Variants in TBC1D22A observed in about 807,000 individuals in gnomAD.
TBC1D22A encodes the protein TBC1 domain family member 22A.
In TBC1D22A, 38 loss-of-function variants were observed where a neutral mutation model predicts 60.2. That is an observed-to-expected ratio of 0.63 (90% confidence interval 0.49 to 0.83). The LOEUF (loss-of-function observed/expected upper bound fraction) is 0.83. Ranked by LOEUF, TBC1D22A falls within the 40% of genes least tolerant of loss-of-function variation. The pLI is 0.00. For missense variants in TBC1D22A, 628 were observed against 701.0 expected (o/e 0.90, Z 1.18); for synonymous variants, 302 against 281.7 (o/e 1.07, Z -0.72).
chr22:47,031,358 G>A (rs942203997), intron 10 of TBC1D22A, among the ~76,000 whole-genome samples: 1 of 152,250 alleles, frequency 6.6e-6, no homozygotes, highest in Non-Finnish European at 1.5e-5. Flanking sequence ...TGTCTTCCTT[G>A]TAGCTTTGCT....
chr22:46,936,584 G>A (rs969539655), intron 8 of TBC1D22A, among the ~76,000 whole-genome samples: 4 of 152,258 alleles, frequency 2.6e-5, no homozygotes, highest in African/African-American at 4.8e-5. Context: ...CAAGCGGAGC[G>A]TGAGACAGAC....
intron 5 of TBC1D22A, among the ~76,000 whole-genome samples, chr22:46,885,129 C>G (rs2068046460): frequency 6.6e-6 from 1 of 152,254 alleles, no homozygotes; most frequent in African/African-American, 2.4e-5. Context: ...CCCGGCCAGT[C>G]TTCAGCGTCT....
chr22:46,971,266 G>A (rs1184835243), intron 8 of TBC1D22A, among the ~76,000 whole-genome samples: 3 of 152,196 alleles, frequency 2.0e-5, no homozygotes, highest in African/African-American at 7.2e-5. Flanking sequence ...GGCTCACGCG[G>A]CGCCTGGCTC....
At chr22:46,969,939 A>G (rs1290854389) in intron 8 of TBC1D22A, among the ~76,000 whole-genome samples, 2 of 152,220 alleles carry the variant, frequency 1.3e-5, no homozygotes, top group African/African-American at 4.8e-5. Flanking sequence ...TTTAAGTTTC[A>G]TTATTTTTAA....
chr22:46,765,027 G>A (rs1394720312), intron 1 of TBC1D22A, among the ~76,000 whole-genome samples: 5 of 152,196 alleles, frequency 3.3e-5, no homozygotes, highest in African/African-American at 9.7e-5. Context: ...CTGAAATACC[G>A]AACACCAGCT....
intron 12 of TBC1D22A, among the ~76,000 whole-genome samples, chr22:47,142,661 C>T (rs956396444): frequency 1.4e-5 from 2 of 140,814 alleles, no homozygotes; most frequent in Admixed American, 7.1e-5. Context: ...TCCATCCATC[C>T]ATCTACTCAC....
At chr22:46,940,248 G>A (rs570989278) in intron 8 of TBC1D22A, among the ~76,000 whole-genome samples, 2 of 152,290 alleles carry the variant, frequency 1.3e-5, no homozygotes, top group African/African-American at 2.4e-5. Flanking sequence ...GGACTTGCTC[G>A]ACGGAGGGTC....
At chr22:47,013,062 G>T (rs1343494871) in intron 10 of TBC1D22A, among the ~76,000 whole-genome samples, 2 of 152,212 alleles carry the variant, frequency 1.3e-5, no homozygotes, top group African/African-American at 4.8e-5. Context: ...CTCCCGCCCC[G>T]TGCGCGAGTG....
In TBC1D22A at chr22:47,072,134, T is replaced by C. The variant is rs1324315930; in HGVS notation, c.1329+34936T>C. On this transcript the variant is annotated intron_variant, in intron 11 of 12. Transcript: ENST00000337137. ...AGGTGAGGCCCCCGAGGCAGAGGCA[T>C]GGCCAGGACGCTGGTGGGCTTCTTT... Among the ~76,000 whole-genome samples the C allele has an allele frequency of 2.6e-5, 4 of 152,206 alleles. No homozygotes were observed. In the East Asian group the frequency reaches 7.7e-4, roughly 29 times the overall value.
intron 12 of TBC1D22A, among the ~76,000 whole-genome samples, chr22:47,163,556 G>T (rs1165021655): frequency 1.3e-5 from 2 of 152,230 alleles, no homozygotes; most frequent in East Asian, 3.9e-4. Flanking sequence ...GACGGGTGAG[G>T]TTGCAATGGG....
chr22:46,948,456 C>G (rs890138469), intron 8 of TBC1D22A, among the ~76,000 whole-genome samples: 5 of 152,228 alleles, frequency 3.3e-5, no homozygotes, highest in African/African-American at 1.2e-4. Flanking sequence ...TGCTGGGTGC[C>G]CATGGGGGTA....
intron 1 of TBC1D22A, chr22:46,763,344 G>A (rs1410843302): frequency 7.4e-6 from 1 of 134,972 alleles, no homozygotes; most frequent in Non-Finnish European, 1.5e-5. Flanking sequence ...GAGTTTCCAT[G>A]TTTCTGCTTG....
intron 4 of TBC1D22A, among the ~76,000 whole-genome samples, chr22:46,808,933 CT>C (rs2085267959): frequency 6.6e-6 from 1 of 152,226 alleles, no homozygotes; most frequent in African/African-American, 2.4e-5. Flanking sequence ...CTATTGGAGG[CT>C]TTCTCTTGAA....
intron 10 of TBC1D22A, among the ~76,000 whole-genome samples, chr22:47,012,567 C>A (rs2061784288): frequency 6.6e-6 from 1 of 152,186 alleles, no homozygotes. Context: ...TTTCTCTACT[C>A]TGTTTCTTTC....
intron 11 of TBC1D22A, among the ~76,000 whole-genome samples, chr22:47,091,205 G>A (rs1004348702): frequency 1.5e-5 from 2 of 131,588 alleles, no homozygotes; most frequent in Non-Finnish European, 3.2e-5. Context: ...GGGTGGCTGC[G>A]TGTTGATAGA....
chr22:47,096,695 G>A (rs1055046103), intron 11 of TBC1D22A, among the ~76,000 whole-genome samples: 1 of 152,126 alleles, frequency 6.6e-6, no homozygotes, highest in African/African-American at 2.4e-5. Context: ...AGTGGCGCAT[G>A]CCTGTAAGCC....
At chr22:47,073,502 A>C (rs1387664846) in intron 11 of TBC1D22A, among the ~76,000 whole-genome samples, 2 of 152,280 alleles carry the variant, frequency 1.3e-5, no homozygotes, top group East Asian at 3.9e-4. Flanking sequence ...GGCTGCGGGG[A>C]AAAACCATGA....
intron 12 of TBC1D22A, among the ~76,000 whole-genome samples, chr22:47,156,467 C>T (rs1033845384): frequency 3.3e-5 from 5 of 152,150 alleles, no homozygotes; most frequent in African/African-American, 7.2e-5. Context: ...CTTGAGCGGC[C>T]GTCTCCTCCC....
At chr22:46,771,753 C>T (rs1174277352) in intron 1 of TBC1D22A, among the ~76,000 whole-genome samples, 1 of 152,038 alleles carries the variant, frequency 6.6e-6, no homozygotes. Flanking sequence ...TGCCACCATG[C>T]CCGCCTAATT....
Sources: gnomAD v4.1 joint callset for allele counts (sites outside exome capture counted in the v4.1 genomes callset) on GRCh38, gnomAD v4.1.1 for gene constraint, MANE v1.5 for transcripts, NCBI Gene and HGNC (gene_info 2026-07-23, HGNC 2026-07-21) for gene names.